The following CELF2 variants were observed in gnomAD, a reference collection of about 807,000 sequenced individuals.
CELF2 encodes CUG triplet repeat RNA-binding protein 2.
A neutral mutation model predicts 62.6 loss-of-function variants in CELF2; 8 were observed. The ratio of observed to expected loss-of-function variants is 0.13; its 90% confidence interval spans 0.07 to 0.23. CELF2 has a LOEUF of 0.23. Ranked by LOEUF, CELF2 falls within the 10% of genes least tolerant of loss-of-function variation. The pLI is 1.00. For synonymous variants in CELF2, 258 were observed against 250.0 expected (o/e 1.03, Z -0.30); for missense variants, 333 against 671.0 (o/e 0.50, Z 5.56).
chr10:10,474,309 C>A, the CELF2 span, among the ~76,000 whole-genome samples: 5 of 151,742 alleles, frequency 3.3e-5, no homozygotes, highest in Non-Finnish European at 5.9e-5. Context: ...CAAAATAATA[C>A]CATAACAAAA....
chr10:10,503,139 C>T, the CELF2 span, among the ~76,000 whole-genome samples: 1 of 151,870 alleles, frequency 6.6e-6, no homozygotes, highest in South Asian at 2.1e-4. Flanking sequence ...TTGTTTTATC[C>T]ATAGGATATT....
At chr10:11,119,166 G>T (rs570740537) in intron 1 of CELF2, among the ~76,000 whole-genome samples, 1 of 152,204 alleles carries the variant, frequency 6.6e-6, no homozygotes, top group Non-Finnish European at 1.5e-5. Context: ...TAGTAACGAA[G>T]GCAGGAGGGT....
At chr10:10,976,799 C>T (rs892236442) in intron 2 of CELF2, among the ~76,000 whole-genome samples, 1 of 152,132 alleles carries the variant, frequency 6.6e-6, no homozygotes, top group Non-Finnish European at 1.5e-5. Context: ...CCTGAAATTT[C>T]CCCTCTCTTC....
chr10:10,921,750 G>A (rs2064939174), intron 2 of CELF2, among the ~76,000 whole-genome samples: 1 of 152,138 alleles, frequency 6.6e-6, no homozygotes, highest in Non-Finnish European at 1.5e-5. Context: ...ACGCAGGAAA[G>A]GGGTGTGTGG....
At chr10:11,067,124 T>G (rs560984474) in intron 1 of CELF2, among the ~76,000 whole-genome samples, 1 of 152,314 alleles carries the variant, frequency 6.6e-6, no homozygotes, top group East Asian at 1.9e-4. Context: ...CATCATCTCA[T>G]GATTTTGCTG....
In CELF2 at chr10:10,903,669, G is replaced by C. The variant is rs555549586; in HGVS notation, c.54-16295G>C. ...GAAATGAGTTTTATAAACTGCCCTTGTTTTCAGAAGGGCCTCCATGGTGAT... is the reference window on the plus strand; with the variant it reads ...GAAATGAGTTTTATAAACTGCCCTTCTTTTCAGAAGGGCCTCCATGGTGAT... On this transcript the variant is annotated intron_variant, in intron 1 of 13. Coordinates refer to the CELF2 transcript ENST00000636488. Among the ~76,000 whole-genome samples the C allele has an allele frequency of 2.2e-3, 334 of 152,266 alleles. 1 individual carries two copies. Among genetic ancestry groups the C allele is most frequent in the Non-Finnish European group, 3.8e-3 (258 of 68,012 alleles).
intron 2 of CELF2, among the ~76,000 whole-genome samples, chr10:10,979,147 C>A (rs186260403): frequency 1.2e-4 from 18 of 152,218 alleles, no homozygotes; most frequent in Admixed American, 2.0e-4. Flanking sequence ...AGCCCAAGAA[C>A]AAGGAAAGAG....
chr10:11,163,174 A>T (rs2066115117), intron 1 of CELF2, among the ~76,000 whole-genome samples: 1 of 152,238 alleles, frequency 6.6e-6, no homozygotes, highest in Non-Finnish European at 1.5e-5. Context: ...TGCTTGCTCT[A>T]GAATTCTGAC....
intron 1 of CELF2, among the ~76,000 whole-genome samples, chr10:11,081,921 G>A (rs948204936): frequency 6.6e-6 from 1 of 152,168 alleles, no homozygotes; most frequent in African/African-American, 2.4e-5. Context: ...TTTAACTCAT[G>A]GAGAATCAAA....
chr10:11,258,836 G>T (rs759122597), intron 5 of CELF2, among the ~76,000 whole-genome samples: 1 of 152,182 alleles, frequency 6.6e-6, no homozygotes, highest in African/African-American at 2.4e-5. Flanking sequence ...ACAGGTGCAC[G>T]CTACCACGCC....
chr10:10,601,514 G>A, the CELF2 span, among the ~76,000 whole-genome samples: 1 of 152,288 alleles, frequency 6.6e-6, no homozygotes, highest in East Asian at 1.9e-4. Context: ...GGCCAGGAAA[G>A]CTCCTTCTGA....
intron 2 of CELF2, among the ~76,000 whole-genome samples, chr10:11,180,609 A>G (rs557860423): frequency 3.9e-5 from 6 of 152,286 alleles, no homozygotes; most frequent in Admixed American, 3.9e-4. Flanking sequence ...ATCCGAGCAG[A>G]TGAGCCTTTC....
chr10:11,031,050 A>G (rs1278617800), intron 1 of CELF2, among the ~76,000 whole-genome samples: 1 of 152,136 alleles, frequency 6.6e-6, no homozygotes, highest in Non-Finnish European at 1.5e-5. Flanking sequence ...GACACCTGGC[A>G]TTTTCCCCCA....
At chr10:10,529,253 C>T in the CELF2 span, among the ~76,000 whole-genome samples, 1 of 152,116 alleles carries the variant, frequency 6.6e-6, no homozygotes, top group South Asian at 2.1e-4. Context: ...CTTCCCACAC[C>T]AGTATTTGGC....
At chr10:10,672,559 TTCTCCA>T in the CELF2 span, among the ~76,000 whole-genome samples, 1 of 152,068 alleles carries the variant, frequency 6.6e-6, no homozygotes, top group South Asian at 2.1e-4. Context: ...ATATTATGTC[TTCTCCA>T]TCTCATTGCC....
intron 10 of CELF2, chr10:11,317,745 A>G (rs2095133522): frequency 6.6e-6 from 1 of 152,272 alleles, no homozygotes; most frequent in South Asian, 2.1e-4. Flanking sequence ...GTCATCTCCC[A>G]GCTCCTGGGT....
chr10:10,859,353 G>A (rs910451909), intron 1 of CELF2, among the ~76,000 whole-genome samples: 2 of 152,088 alleles, frequency 1.3e-5, no homozygotes, highest in Admixed American at 6.6e-5. Flanking sequence ...GCCCCATTTT[G>A]TTGGTTAAGA....
In CELF2 at chr10:11,245,766, T is replaced by A. The variant is rs185253461; in HGVS notation, c.355-3387T>A. ...AGTTGGGGGGAAGGGAAGATTACTT[T>A]CCCCTAGGGATATTGCAGGTGCCTT... On this transcript the variant is annotated intron_variant, in intron 3 of 12. Transcript: ENST00000633077. Among the ~76,000 whole-genome samples the A allele has an allele frequency of 7.4e-4, 112 of 152,256 alleles. 2 individuals are homozygous for A. The East Asian group carries it at 0.015, about 21-fold the overall frequency.
At chr10:10,487,349 T>A in the CELF2 span, among the ~76,000 whole-genome samples, 3 of 152,060 alleles carry the variant, frequency 2.0e-5, no homozygotes, top group Non-Finnish European at 4.4e-5. Context: ...ATCAAAAGCT[T>A]CCCTCTCTTA....
Sources: gnomAD v4.1 joint callset for allele counts (sites outside exome capture counted in the v4.1 genomes callset) on GRCh38, gnomAD v4.1.1 for gene constraint, MANE v1.5 for transcripts, NCBI Gene and HGNC (gene_info 2026-07-23, HGNC 2026-07-21) for gene names.